Variants in CNTN5 observed in about 807,000 individuals in gnomAD.
The protein encoded by CNTN5 is contactin-5.
A neutral mutation model predicts 129.1 loss-of-function variants in CNTN5; 77 were observed. That is an observed-to-expected ratio of 0.60 (90% CI 0.50 to 0.72). CNTN5 has a LOEUF of 0.72. CNTN5 is among the 30% of genes least tolerant of loss of function. CNTN5 has a pLI of 0.00. For synonymous variants in CNTN5, 509 were observed against 465.6 expected, an observed-to-expected ratio of 1.09 and a Z score of -1.20; for missense variants, 1,478 against 1,328.8, an observed-to-expected ratio of 1.11 and a Z score of -1.75.
At chr11:100,011,067 G>A (rs1940498589) in intron 9 of CNTN5, among the ~76,000 whole-genome samples, 1 of 152,064 alleles carries the variant, frequency 6.6e-6, no homozygotes, top group Non-Finnish European at 1.5e-5. Flanking sequence ...AATGAATTCA[G>A]GTATGAGAAA....
intron 2 of CNTN5, among the ~76,000 whole-genome samples, chr11:99,372,944 C>T (rs914597246): frequency 3.3e-5 from 5 of 152,204 alleles, no homozygotes; most frequent in African/African-American, 1.2e-4. Context: ...CCCAGTGGCT[C>T]ACGCCTATAA....
At chr11:99,380,525 T>A (rs1342311611) in intron 2 of CNTN5, among the ~76,000 whole-genome samples, 1 of 152,000 alleles carries the variant, frequency 6.6e-6, no homozygotes, top group Non-Finnish European at 1.5e-5. Flanking sequence ...ATCCCAGCAC[T>A]TCGGGAGGCT....
chr11:100,253,266 A>G (rs1055207109), intron 16 of CNTN5, among the ~76,000 whole-genome samples: 2 of 152,194 alleles, frequency 1.3e-5, no homozygotes, highest in South Asian at 4.1e-4. Flanking sequence ...ATTTACAATC[A>G]CATCCAAATT....
At chr11:99,099,845 T>C (rs967394572) in intron 1 of CNTN5, among the ~76,000 whole-genome samples, 2 of 152,194 alleles carry the variant, frequency 1.3e-5, no homozygotes, top group Non-Finnish European at 2.9e-5. Flanking sequence ...TTAGCTGTTA[T>C]CATTGCTGCT....
chr11:100,286,317 A>G (rs1950790060), intron 18 of CNTN5, among the ~76,000 whole-genome samples: 1 of 152,084 alleles, frequency 6.6e-6, no homozygotes. Context: ...ACAGACAAAC[A>G]AAAAGACAGC....
At chr11:99,923,801 A>ATCTG (rs1178359845) in intron 7 of CNTN5, among the ~76,000 whole-genome samples, 7 of 150,200 alleles carry the variant, frequency 4.7e-5, no homozygotes, top group East Asian at 2.0e-4. Context: ...CTATCTATCT[A>ATCTG]TCTATCTGAC....
chr11:99,892,097 T>C (rs1039452157), intron 6 of CNTN5, among the ~76,000 whole-genome samples: 2 of 152,228 alleles, frequency 1.3e-5, no homozygotes, highest in East Asian at 1.9e-4. Flanking sequence ...CTTTTCTTCG[T>C]ATGTTTGTTG....
chr11:99,981,083 T>C (rs1322268002), intron 8 of CNTN5, among the ~76,000 whole-genome samples: 1 of 67,816 alleles, frequency 1.5e-5, no homozygotes, highest in Admixed American at 1.7e-4. Context: ...ATAGGATATA[T>C]ATATATATAT....
chr11:99,878,125 A>G (rs979961217), intron 6 of CNTN5, among the ~76,000 whole-genome samples: 6 of 152,336 alleles, frequency 3.9e-5, no homozygotes, highest in African/African-American at 1.4e-4. Context: ...GCAGAAAGAA[A>G]GTTTGAGATT....
At chr11:99,813,353 G>C (rs959633057) in intron 3 of CNTN5, among the ~76,000 whole-genome samples, 1 of 152,000 alleles carries the variant, frequency 6.6e-6, no homozygotes, top group African/African-American at 2.4e-5. Context: ...ACAGCTCTTG[G>C]GGTGATGAAT....
intron 13 of CNTN5, among the ~76,000 whole-genome samples, chr11:100,113,833 G>A (rs1294008970): frequency 6.6e-6 from 1 of 151,852 alleles, no homozygotes; most frequent in Non-Finnish European, 1.5e-5. Flanking sequence ...AAGCTCAAAA[G>A]TCTCCATGTA....
intron 2 of CNTN5, among the ~76,000 whole-genome samples, chr11:99,356,866 T>C (rs972647417): frequency 1.1e-4 from 16 of 152,306 alleles, no homozygotes; most frequent in Admixed American, 5.2e-4. Context: ...GGAATTAAAC[T>C]GGGCTTCTAT....
chr11:99,516,347 G>T (rs1427718776), intron 2 of CNTN5, among the ~76,000 whole-genome samples: 3 of 151,848 alleles, frequency 2.0e-5, no homozygotes, highest in Non-Finnish European at 2.9e-5. Context: ...TAATAACCTT[G>T]GGTAATTAAA....
At chr11:99,842,998 A>G (rs1014744287) in intron 4 of CNTN5, among the ~76,000 whole-genome samples, 1 of 152,204 alleles carries the variant, frequency 6.6e-6, no homozygotes, top group Admixed American at 6.5e-5. Flanking sequence ...TGGGAGGCCT[A>G]GGCGGGCGGA....
At chr11:99,117,519 G>T (rs1056841111) in intron 1 of CNTN5, among the ~76,000 whole-genome samples, 1 of 151,942 alleles carries the variant, frequency 6.6e-6, no homozygotes, top group South Asian at 2.1e-4. Flanking sequence ...TTTGTCCATG[G>T]TGTTACATAA....
At chr11:99,131,832 C>A (rs4519061) in intron 1 of CNTN5, among the ~76,000 whole-genome samples, 137,569 of 152,126 alleles carry the variant, frequency 0.9, 62,395 homozygotes, top group East Asian at 0.99. Flanking sequence ...CAAAGAGGAG[C>A]TGGTACCATT....
chr11:99,684,337 T>A (rs1953692049), intron 3 of CNTN5, among the ~76,000 whole-genome samples: 1 of 151,928 alleles, frequency 6.6e-6, no homozygotes, highest in African/African-American at 2.4e-5. Context: ...ATTTCTGGAA[T>A]GTAGATATAA....
At chr11:100,104,815 C>T (rs935468363) in intron 13 of CNTN5, among the ~76,000 whole-genome samples, 1 of 152,056 alleles carries the variant, frequency 6.6e-6, no homozygotes, top group Admixed American at 6.6e-5. Flanking sequence ...TGTACTATTC[C>T]CTTTTTAACT....
At chr11:100,117,994 C>A (rs954880518) in intron 13 of CNTN5, among the ~76,000 whole-genome samples, 1 of 151,584 alleles carries the variant, frequency 6.6e-6, no homozygotes, top group Non-Finnish European at 1.5e-5. Context: ...TCAACACGAA[C>A]TGGGAAAATT....
Sources: gnomAD v4.1 joint callset for allele counts (sites outside exome capture counted in the v4.1 genomes callset) on GRCh38, gnomAD v4.1.1 for gene constraint, MANE v1.5 for transcripts, NCBI Gene and HGNC (gene_info 2026-07-23, HGNC 2026-07-21) for gene names.